ZNF296: variants seen among roughly 807,000 people sequenced by gnomAD.
ZNF296 encodes zinc finger protein 342.
A neutral mutation model predicts 13.2 loss-of-function variants in ZNF296; 1 was observed. The observed-to-expected ratio is 0.08, with a 90% confidence interval of 0.03 to 0.36. ZNF296 has a LOEUF of 0.36. Among genes scored for constraint, ZNF296 ranks in the 10% least tolerant of loss-of-function variants. The pLI is 0.99. For synonymous variants in ZNF296, 303 were observed against 289.0 expected (o/e 1.05, Z -0.49); for missense variants, 555 against 688.2 (o/e 0.81, Z 2.16).
Position 45,076,260 on chromosome 19 carries a change from T to C in ZNF296, c.114A>G (p.Pro38=). The change falls in exon 1 of 3, where the codon CCA becomes CCG. Residue 38 remains proline (P), a synonymous_variant. Transcript: ENST00000303809. The surrounding 1 kb of genome is among the most constrained non-coding windows in gnomAD (Gnocchi z 4.9). ...QDLVIELKPE[P]DAQPQQAPRL... ...TTGGGGCCTGTTGGGGCTGCGCGTC[T>C]GGCTCGGGCTTGAGTTCGATGACGA... 6.7e-7 allele frequency: 1 copy of C among 1,499,084 alleles called. No homozygotes were observed. The highest frequency in any genetic ancestry group is 8.9e-7 in the Non-Finnish European group (1 of 1,127,894). 92.9% of individuals were successfully genotyped at this position (1,499,084 alleles called of 1,614,324 possible).
At position 45,076,466 on chromosome 19, in the gene ZNF296, C is replaced by A; in HGVS notation, c.-93G>T. On this transcript the variant is annotated 5_prime_UTR_variant, in exon 1 of 3. Transcript: ENST00000303809. This position sits in a 1 kb window ranked among gnomAD's most constrained non-coding sequence, Gnocchi z 4.9. ...GGAGGACGCGCGGACCGTGCGCGCT[C>A]AGGTGAGTGACTGCGGCGACCCGCC... is the stretch of plus-strand genomic sequence containing the variant. 1.0e-6 allele frequency: 1 copy of A among 983,682 alleles called. No homozygotes were observed. The highest frequency in any genetic ancestry group is 5.0e-5 in the South Asian group (1 of 20,038). 60.9% of individuals were successfully genotyped at this position (983,682 alleles called of 1,614,324 possible).
rs766719798 is a variant in ZNF296 at position 45,072,600 on chromosome 19, G to A, written c.449-20C>T. ...CTCGTTCTGGTAAGAAAAAGAGGCA[G>A]AGTGTTAGTGCGGACAGCTGCCAGC... On this transcript the variant is annotated intron_variant, in intron 2 of 2. Coordinates refer to ENST00000303809, the MANE Select transcript of ZNF296 (RefSeq NM_145288.3). 6.4e-7 allele frequency: 1 copy of A among 1,574,458 alleles called. No individual in the cohort carries two copies. Among genetic ancestry groups the A allele is most frequent in the South Asian group, 1.2e-5 (1 of 85,202 alleles).
chr19:45,071,879 G>T lies in ZNF296; in HGVS notation c.1150C>A (p.Pro384Thr). 1 of 1,613,200 alleles carries T rather than the reference G, an allele frequency of 6.2e-7. No homozygotes were observed. The highest frequency in any genetic ancestry group is 2.2e-5 in the East Asian group (1 of 44,870). The part of the protein sequence containing the change: ...MPKSGGKSRG[P>T]GGSCEFCGKH... ...CCGCAGAACTCACAGCTGCCCCCGG[G>T]CCCGCGGCTCTTGCCCCCTGACTTG... The change falls in exon 3 of 3, where the codon CCC becomes ACC. Residue 384 changes from proline to threonine, a missense_variant. By Grantham distance (38) the Pro-to-Thr change is conservative. Around this residue, in one of 3 missense-constraint regions of ZNF296, gnomAD observed 410 missense variants for 548.0 expected, o/e 0.75. Coordinates refer to ENST00000303809, the MANE Select transcript of ZNF296 (RefSeq NM_145288.3).
intron 2 of ZNF296, among the ~76,000 whole-genome samples, chr19:45,073,997 G>T (rs1967300736): frequency 6.6e-6 from 1 of 151,606 alleles, no homozygotes; most frequent in South Asian, 2.1e-4. Context: ...ACTCCAGCCT[G>T]GGTGACAAAA....
Position 45,076,334 on chromosome 19 carries a change from C to G in ZNF296, c.40G>C (p.Glu14Gln), listed in dbSNP as rs148584263. The G allele has an allele frequency of 6.3e-5, 88 of 1,387,912 alleles. No individual in the cohort carries two copies. The African/African-American group carries it at 1.1e-3, about 18-fold the overall frequency. 86.0% of individuals were successfully genotyped at this position (1,387,912 alleles called of 1,614,324 possible). The part of the protein sequence containing the change: ...RKAGSAPRRV[E>Q]PAPAANPDDE... ...TCTGGGTTGGCGGCGGGCGCGGGCT[C>G]TACTCGGCGGGGCGCGCTGCCGGCC... Residue 14 changes from glutamate (E) to glutamine (Q), a missense_variant, in exon 1 of 3, where the codon GAG (glutamate) becomes CAG (glutamine). Physicochemically the swap from Glu to Gln is conservative, Grantham distance 29. This residue lies in a region of ZNF296 where 137 missense variants were observed against 121.9 expected (regional missense o/e 1.12). Transcript: ENST00000303809. The surrounding 1 kb of genome is among the most constrained non-coding windows in gnomAD (Gnocchi z 4.9).
rs1439172054 is a variant in ZNF296 at position 45,071,666 on chromosome 19, C to T, written c.1363G>A (p.Gly455Ser). 1 of 1,558,230 alleles carries T rather than the reference C, an allele frequency of 6.4e-7. No individual in the cohort carries two copies. ...FECPHCHVPFGLRATLDKHLR... is the reference protein window; with the variant it reads ...FECPHCHVPFSLRATLDKHLR... ...TGTTTGTCCAGGGTGGCTCGCAGGCCGAAGGGCACATGGCAGTGGGGGCAC... is the reference window on the plus strand; with the variant it reads ...TGTTTGTCCAGGGTGGCTCGCAGGCTGAAGGGCACATGGCAGTGGGGGCAC... Residue 455 changes from glycine to serine, a missense_variant, in exon 3 of 3, where the codon GGC becomes AGC. This residue lies in a region of ZNF296 where 410 missense variants were observed against 548.0 expected (regional missense o/e 0.75). Coordinates refer to ENST00000303809, the MANE Select transcript of ZNF296 (RefSeq NM_145288.3).
At chr19:45,072,759 C>A (rs1967280441) in intron 2 of ZNF296, among the ~76,000 whole-genome samples, 179 bp from the exon 3 acceptor site, 1 of 91,104 alleles carries the variant, frequency 1.1e-5, no homozygotes, top group Non-Finnish European at 2.7e-5. Context: ...GGAGTGGGTG[C>A]TAAGTACCTG....
Position 45,071,769 on chromosome 19 carries a change from G to A in ZNF296, c.1260C>T (p.Asn420=). 1 of 1,613,120 alleles carries A rather than the reference G, an allele frequency of 6.2e-7. No individual in the cohort carries two copies. Among genetic ancestry groups the A allele is most frequent in the Non-Finnish European group, 8.5e-7 (1 of 1,179,736 alleles). The change falls in exon 3 of 3, where the codon AAC becomes AAT. Residue 420 remains asparagine (N), a synonymous_variant. Coordinates refer to ENST00000303809, the MANE Select transcript of ZNF296 (RefSeq NM_145288.3). ...GERPYTCEFC[N]YACAQSSKLN... is the part of the protein sequence containing the mutation. ...GCTTACTGCTCTGGGCGCAGGCGTA[G>A]TTGCAGAACTCACAGGTGTAGGGGC...
intron 2 of ZNF296, among the ~76,000 whole-genome samples, chr19:45,072,990 G>A (rs1476692428): frequency 2.6e-5 from 4 of 152,126 alleles, no homozygotes; most frequent in Non-Finnish European, 5.9e-5. Context: ...GGCCTCAAGT[G>A]ATCCACCCAC....
In ZNF296 at chr19:45,072,593, A is replaced by G. The variant is rs563971524; in HGVS notation, c.449-13T>C. 1 of 1,581,586 alleles carries G rather than the reference A, an allele frequency of 6.3e-7. No individual in the cohort carries two copies. ...AGCTCCTCTCGTTCTGGTAAGAAAA[A>G]GAGGCAGAGTGTTAGTGCGGACAGC... On this transcript the variant is annotated splice_polypyrimidine_tract_variant and intron_variant, in intron 2 of 2. Coordinates refer to ENST00000303809, the MANE Select transcript of ZNF296 (RefSeq NM_145288.3).
At position 45,071,704 on chromosome 19, in the gene ZNF296, C is replaced by G. The variant is rs1238192351; in HGVS notation, c.1325G>C (p.Ser442Thr). Residue 442 changes from serine (S) to threonine (T), a missense_variant, in exon 3 of 3, where the codon AGC becomes ACC. Physicochemically the swap from Ser to Thr is moderately conservative, Grantham distance 58. Coordinates refer to ENST00000303809, the MANE Select transcript of ZNF296 (RefSeq NM_145288.3). Reference sequence around the variant, plus strand: ...GCAGTGGGGGCACTCGAAGCGGGTGCTGCCAGGCGTCATGCCGTGCATGCG... The same window carrying G: ...GCAGTGGGGGCACTCGAAGCGGGTGGTGCCAGGCGTCATGCCGTGCATGCG... ...HRRMHGMTPG[S>T]TRFECPHCHV... is the part of the protein sequence containing the mutation. 2.5e-6 allele frequency: 4 copies of G among 1,590,828 alleles called. No individual in the cohort carries two copies. Among genetic ancestry groups the G allele is most frequent in the African/African-American group, 1.3e-5 (1 of 74,406 alleles).
chr19:45,076,475 G>T lies in ZNF296; in HGVS notation c.-102C>A. On this transcript the variant is annotated 5_prime_UTR_variant, in exon 1 of 3. Coordinates refer to ENST00000303809, the MANE Select transcript of ZNF296 (RefSeq NM_145288.3). This position sits in a 1 kb window ranked among gnomAD's most constrained non-coding sequence, Gnocchi z 4.9. ...GCGGACCGTGCGCGCTCAGGTGAGT[G>T]ACTGCGGCGACCCGCCGCGAACTCT... The T allele has an allele frequency of 1.2e-6, 1 of 862,406 alleles. No individual in the cohort carries two copies. The highest frequency in any genetic ancestry group is 5.7e-5 in the South Asian group (1 of 17,460). 53.4% of individuals were successfully genotyped at this position (862,406 alleles called of 1,614,324 possible).
intron 2 of ZNF296, among the ~76,000 whole-genome samples, chr19:45,073,350 G>C (rs549804412): frequency 6.6e-6 from 1 of 151,696 alleles, no homozygotes; most frequent in East Asian, 2.0e-4. Flanking sequence ...AAAGAGATGG[G>C]GTCCTGCTAT....
At chr19:45,075,900 C>A (rs776095172) in intron 1 of ZNF296, 38 bp from the exon 2 acceptor site, 54 of 1,610,634 alleles carry the variant, frequency 3.4e-5, no homozygotes, top group Non-Finnish European at 3.3e-5. Context: ...TGGGGTGGGG[C>A]CAGGATGGGG....
At chr19:45,073,256 G>C (rs1386722560) in intron 2 of ZNF296, among the ~76,000 whole-genome samples, 2 of 151,142 alleles carry the variant, frequency 1.3e-5, no homozygotes, top group East Asian at 3.9e-4. Context: ...TTTCAATCCA[G>C]ACTACTGGGG....
chr19:45,073,306 T>A (rs1967289304), intron 2 of ZNF296, among the ~76,000 whole-genome samples: 1 of 151,406 alleles, frequency 6.6e-6, no homozygotes, highest in South Asian at 2.1e-4. Context: ...TTGCTTTTTT[T>A]TTTTTGCTTT....
chr19:45,076,104 C>A lies in ZNF296; in HGVS notation c.270G>T (p.Leu90=). Residue 90 remains leucine (L), a synonymous_variant, in exon 1 of 3, where the codon CTG becomes CTT. Transcript: ENST00000303809. This position sits in a 1 kb window ranked among gnomAD's most constrained non-coding sequence, Gnocchi z 4.9. ...LALGPRNPWT[L]WTPLTPNYPD... ...GATAGTTCGGGGTCAACGGCGTCCA[C>A]AGGGTCCACGGGTTCCGCGGGCCGA... The A allele has an allele frequency of 6.3e-7, 1 of 1,581,972 alleles. No homozygotes were observed. Among genetic ancestry groups the A allele is most frequent in the Non-Finnish European group, 8.6e-7 (1 of 1,169,216 alleles).
chr19:45,075,199 G>A (rs1967322158), intron 2 of ZNF296, among the ~76,000 whole-genome samples: 1 of 152,134 alleles, frequency 6.6e-6, no homozygotes, highest in South Asian at 2.1e-4. Context: ...TTCCATCACC[G>A]AGGGAAGCCA....
At position 45,071,701 on chromosome 19, in the gene ZNF296, G is replaced by A. The variant is rs556836653; in HGVS notation, c.1328C>T (p.Thr443Ile). The change falls in exon 3 of 3, where the codon ACC (threonine) becomes ATC (isoleucine). Residue 443 changes from threonine to isoleucine, a missense_variant. Around this residue, in one of 3 missense-constraint regions of ZNF296, gnomAD observed 410 missense variants for 548.0 expected, o/e 0.75. Coordinates refer to ENST00000303809, the MANE Select transcript of ZNF296 (RefSeq NM_145288.3). ...RRMHGMTPGS[T>I]RFECPHCHVP... The stretch of plus-strand genomic sequence containing the variant: ...ATGGCAGTGGGGGCACTCGAAGCGG[G>A]TGCTGCCAGGCGTCATGCCGTGCAT... 1 of 1,589,918 alleles carries A rather than the reference G, an allele frequency of 6.3e-7. No individual in the cohort carries two copies. Among genetic ancestry groups the A allele is most frequent in the Non-Finnish European group, 8.6e-7 (1 of 1,167,284 alleles).
Sources: allele counts gnomAD v4.1 joint callset (sites outside exome capture counted in the v4.1 genomes callset), GRCh38; gene constraint gnomAD v4.1.1; regional missense constraint gnomAD v4.1.1; non-coding constraint Gnocchi (gnomAD v3.1); transcripts MANE v1.5; gene names NCBI Gene and HGNC (gene_info 2026-07-23, HGNC 2026-07-21).